GPR63: variants seen among roughly 807,000 people sequenced by gnomAD.
GPR63 encodes G protein-coupled receptor 63, also known as probable G protein-coupled receptor 63.
A neutral mutation model predicts 23.1 loss-of-function variants in GPR63; 12 were observed. The ratio of observed to expected loss-of-function variants is 0.52; its 90% confidence interval spans 0.33 to 0.84. The LOEUF (loss-of-function observed/expected upper bound fraction) is 0.84, where lower values mean the gene tolerates loss of function less well. Among genes scored for constraint, GPR63 ranks in the 40% least tolerant of loss-of-function variants. GPR63 has a pLI of 0.02. For synonymous variants in GPR63, 172 were observed against 191.1 expected (o/e 0.90, Z 0.82); for missense variants, 472 against 515.6 (o/e 0.92, Z 0.82).
chr6:96,809,635 C>T (rs1157311851), intron 1 of GPR63, among the ~76,000 whole-genome samples: 1 of 152,108 alleles, frequency 6.6e-6, no homozygotes, highest in East Asian at 1.9e-4. Flanking sequence ...TCCATAGTAA[C>T]CCAGTACTAC....
chr6:96,816,601 G>C (rs1182266236), intron 1 of GPR63, among the ~76,000 whole-genome samples: 1 of 152,150 alleles, frequency 6.6e-6, no homozygotes, highest in Non-Finnish European at 1.5e-5. Context: ...TCTGCAATTC[G>C]TGTTATTTTT....
At chr6:96,829,326 C>T (rs1314887948) in intron 1 of GPR63, among the ~76,000 whole-genome samples, 1 of 152,112 alleles carries the variant, frequency 6.6e-6, no homozygotes, top group Non-Finnish European at 1.5e-5. Context: ...TAGAGATCAC[C>T]TACAACCACA....
At chr6:96,832,462 G>A (rs1054570751) in intron 1 of GPR63, among the ~76,000 whole-genome samples, 25 of 150,000 alleles carry the variant, frequency 1.7e-4, no homozygotes, top group African/African-American at 6.1e-4. Flanking sequence ...TTGGAGAGAC[G>A]GGGTCTCCTC....
intron 1 of GPR63, among the ~76,000 whole-genome samples, chr6:96,815,773 C>T (rs1774148775): frequency 6.6e-6 from 1 of 152,146 alleles, no homozygotes; most frequent in Non-Finnish European, 1.5e-5. Flanking sequence ...GCCTCATGAA[C>T]TTAGACTTGA....
In GPR63 at chr6:96,833,634, T is replaced by C. The variant is rs386469121; in HGVS notation, c.-151+3634A>G. On this transcript the variant is annotated intron_variant, in intron 1 of 1. Transcript: ENST00000229955. ...TTTCAAATGCTTTAATAACATAGAC[T>C]GAGCTAAGTCAATTGAGAGAAAGAA... Among the ~76,000 whole-genome samples, 425 of 152,288 alleles carry C rather than the reference T, an allele frequency of 2.8e-3. 1 individual carries two copies. The highest frequency in any genetic ancestry group is 4.4e-3 in the Non-Finnish European group (297 of 68,024).
rs1281073925 is a variant in GPR63, at chr6:96,795,622, G to C, written c.*2850C>G. On this transcript the variant is annotated 3_prime_UTR_variant, in exon 2 of 2. Coordinates refer to ENST00000229955, the MANE Select transcript of GPR63 (RefSeq NM_030784.4). ...AGGGAGCGTCTCGGCAGGCACTCCA[G>C]AGCTCTCACCAAATGAGGCACTGCC... is the stretch of plus-strand genomic sequence containing the variant. The C allele has an allele frequency of 6.6e-6, 1 of 152,112 alleles. No individual in the cohort carries two copies. The highest frequency in any genetic ancestry group is 1.5e-5 in the Non-Finnish European group (1 of 68,036). 9.4% of individuals were successfully genotyped at this position (152,112 alleles called of 1,614,324 possible). A position where few individuals can be genotyped will look rare whatever the true frequency, so the allele number is the denominator to read the frequency against.
At chr6:96,835,702 C>A (rs1054590087) in intron 1 of GPR63, among the ~76,000 whole-genome samples, 3 of 152,036 alleles carry the variant, frequency 2.0e-5, no homozygotes, top group African/African-American at 7.2e-5. Context: ...ATGGTGGGTT[C>A]TTTTTTTGAG....
chr6:96,801,353 C>T (rs1264243135), intron 1 of GPR63, among the ~76,000 whole-genome samples: 4 of 152,118 alleles, frequency 2.6e-5, no homozygotes, highest in African/African-American at 2.4e-5. Flanking sequence ...GTATGCACCA[C>T]CAAGCCCGGC....
intron 1 of GPR63, among the ~76,000 whole-genome samples, chr6:96,819,597 T>C (rs1021308409): frequency 1.5e-4 from 23 of 151,636 alleles, no homozygotes; most frequent in Non-Finnish European, 4.4e-5. Context: ...TGGGGGTTGA[T>C]AGGAGCAGCA....
At chr6:96,820,516 TA>T (rs1241546882) in intron 1 of GPR63, among the ~76,000 whole-genome samples, 1 of 152,146 alleles carries the variant, frequency 6.6e-6, no homozygotes, top group Non-Finnish European at 1.5e-5. Context: ...CCTAGTAATC[TA>T]AAAAAACAGT....
At chr6:96,806,516 T>C (rs1773902343) in intron 1 of GPR63, among the ~76,000 whole-genome samples, 1 of 152,178 alleles carries the variant, frequency 6.6e-6, no homozygotes, top group African/African-American at 2.4e-5. Flanking sequence ...AGCCGAAAGA[T>C]TTACTGGTGT....
intron 1 of GPR63, among the ~76,000 whole-genome samples, chr6:96,825,813 C>A (rs946346347): frequency 2.0e-5 from 3 of 151,504 alleles, no homozygotes. Flanking sequence ...TTTATTTATT[C>A]AGCTTCATTT....
At chr6:96,819,688 T>C (rs536458506) in intron 1 of GPR63, among the ~76,000 whole-genome samples, 12 of 94,858 alleles carry the variant, frequency 1.3e-4, no homozygotes, top group Non-Finnish European at 2.7e-4. Flanking sequence ...TAAAATAAAA[T>C]AAAAAGAAAG....
At chr6:96,807,639 T>G (rs974083387) in intron 1 of GPR63, among the ~76,000 whole-genome samples, 1 of 152,180 alleles carries the variant, frequency 6.6e-6, no homozygotes, top group Non-Finnish European at 1.5e-5. Flanking sequence ...GTTACACATT[T>G]CAAATAAAAA....
chr6:96,808,179 A>G (rs1187604576), intron 1 of GPR63, among the ~76,000 whole-genome samples: 2 of 152,194 alleles, frequency 1.3e-5, no homozygotes, highest in Non-Finnish European at 2.9e-5. Context: ...GATTATATCT[A>G]TATTTTTTTA....
In GPR63 at chr6:96,835,011, A is replaced by T. The variant is rs1774688094; in HGVS notation, c.-151+2257T>A. ...TAAAAGAAGAAAACACTATATTGAC[A>T]AACTAAATTTTACCTAGAATTTGCC... On this transcript the variant is annotated intron_variant, in intron 1 of 1. Coordinates refer to ENST00000229955, the MANE Select transcript of GPR63 (RefSeq NM_030784.4). 2.0e-5 allele frequency among the ~76,000 whole-genome samples: 3 copies of T among 152,170 alleles called. No individual in the cohort carries two copies. The South Asian group carries it at 6.2e-4, about 32-fold the overall frequency.
chr6:96,801,133 A>G (rs554727891), intron 1 of GPR63, among the ~76,000 whole-genome samples: 1 of 152,210 alleles, frequency 6.6e-6, no homozygotes, highest in African/African-American at 2.4e-5. Context: ...CTCTTAAGAG[A>G]CTGGGAAAAC....
chr6:96,824,470 AC>A (rs1774388372), intron 1 of GPR63, among the ~76,000 whole-genome samples: 2 of 151,902 alleles, frequency 1.3e-5, no homozygotes, highest in South Asian at 4.2e-4. Context: ...TTCCTGTGCA[AC>A]CAACAAATGG....
At chr6:96,821,033 G>A (rs1774301532) in intron 1 of GPR63, among the ~76,000 whole-genome samples, 1 of 152,174 alleles carries the variant, frequency 6.6e-6, no homozygotes, top group African/African-American at 2.4e-5. Flanking sequence ...TCCTCCAGAA[G>A]CTCATTGTGC....
Sources: allele counts gnomAD v4.1 joint callset (sites outside exome capture counted in the v4.1 genomes callset), GRCh38; gene constraint gnomAD v4.1.1; transcripts MANE v1.5; gene names NCBI Gene and HGNC (gene_info 2026-07-23, HGNC 2026-07-21).